Variants in MT1B observed in about 807,000 individuals in gnomAD.
The protein encoded by MT1B is metallothionein-1B.
MT1B carries 4 observed loss-of-function variants against 7.9 expected under a neutral mutation model. The observed-to-expected ratio is 0.51, with a 90% CI of 0.25 to 1.16. The LOEUF is 1.16. MT1B is among the 50% of genes most tolerant of loss of function. MT1B has a pLI of 0.15. For synonymous variants in MT1B, 22 were observed against 27.6 expected (o/e 0.80, Z 0.63); for missense variants, 76 against 75.2 (o/e 1.01, Z -0.04).
In MT1B at chr16:56,652,644, T is replaced by C. The variant is rs369880999; in HGVS notation, c.94+8T>C. On this transcript the variant is annotated splice_region_variant and intron_variant, in intron 2 of 2. Coordinates refer to ENST00000334346, the MANE Select transcript of MT1B (RefSeq NM_005947.3). ...GTACCTCCTGCAAGAAGTGTGAGTG[T>C]GGGATCATCTCCAGGAATCTGGGGC... The C allele has an allele frequency of 1.4e-5, 22 of 1,613,744 alleles. No individual in the cohort carries two copies. The highest frequency in any genetic ancestry group is 1.7e-6 in the Non-Finnish European group (2 of 1,179,862).
In MT1B at chr16:56,651,973, G is replaced by A. The variant is rs1415877536; in HGVS notation, c.20G>A (p.Cys7Tyr). ...CTCCAAATGGATCCCAACTGCTCCT[G>A]CACCACAGGTAAGGGACGCCTGGCT... MDPNCS[C>Y]TTGGSCACAG... The change falls in exon 1 of 3, where the codon TGC becomes TAC. Residue 7 changes from cysteine (C) to tyrosine (Y), a missense_variant. Physicochemically the swap from Cys to Tyr is radical, Grantham distance 194. Transcript: ENST00000334346. The A allele has an allele frequency of 6.8e-6, 11 of 1,614,210 alleles. No individual in the cohort carries two copies. Among genetic ancestry groups the A allele is most frequent in the Non-Finnish European group, 9.3e-6 (11 of 1,180,042 alleles).
At chr16:56,652,454 G>C in intron 1 of MT1B, 117 bp from the exon 2 acceptor site, 1 of 1,013,120 alleles carries the variant, frequency 9.9e-7, no homozygotes, top group East Asian at 2.4e-5. Context: ...CTCTGAGTGG[G>C]AAAGGAGCTC....
intron 2 of MT1B, 69 bp from the exon 3 acceptor site, chr16:56,652,905 C>T (rs960863223): frequency 2.6e-6 from 4 of 1,538,402 alleles, no homozygotes; most frequent in African/African-American, 2.7e-5. Context: ...TTCAGCCAGG[C>T]TTGCTGTTGG....
intron 1 of MT1B, 95 bp from the exon 2 acceptor site, chr16:56,652,476 C>G (rs1435079819): frequency 8.3e-7 from 1 of 1,202,560 alleles, no homozygotes. Flanking sequence ...GATGGCTGGC[C>G]CTGCACAGAG....
chr16:56,652,038 T>C (rs2144332413), intron 1 of MT1B, 57 bp downstream of exon 1: 1 of 1,603,372 alleles, frequency 6.2e-7, no homozygotes. Context: ...CTGTACACAG[T>C]GTCCCTGGGT....
In MT1B at chr16:56,652,630, A is replaced by G. The variant is rs562010604; in HGVS notation, c.88A>G (p.Lys30Glu). The change falls in exon 2 of 3, where the codon AAG becomes GAG. Residue 30 changes from lysine (K) to glutamate (E), a missense_variant. Coordinates refer to ENST00000334346, the MANE Select transcript of MT1B (RefSeq NM_005947.3). ...CAAAGAGTGCAAATGTACCTCCTGC[A>G]AGAAGTGTGAGTGTGGGATCATCTC... ...KCKECKCTSC[K>E]KCCCSCCPVG... 1 of 1,613,962 alleles carries G rather than the reference A, an allele frequency of 6.2e-7. No homozygotes were observed. The highest frequency in any genetic ancestry group is 2.2e-5 in the East Asian group (1 of 44,870).
At position 56,653,147 on chromosome 16, in the gene MT1B, T is replaced by G; in HGVS notation, c.*82T>G. ...TTTTTTTTTAACTACCCTGACCGGT[T>G]TGCTACATTCTTTTTTCTATTCAAT... On this transcript the variant is annotated 3_prime_UTR_variant, in exon 3 of 3. Coordinates refer to ENST00000334346, the MANE Select transcript of MT1B (RefSeq NM_005947.3). 3.8e-6 allele frequency: 5 copies of G among 1,304,094 alleles called. No individual in the cohort carries two copies. Among genetic ancestry groups the G allele is most frequent in the Non-Finnish European group, 4.4e-6 (4 of 917,472 alleles). 80.8% of individuals were successfully genotyped at this position (1,304,094 alleles called of 1,614,324 possible).
At chr16:56,652,788 A>G in intron 2 of MT1B, 152 bp downstream of exon 2, 1 of 1,202,122 alleles carries the variant, frequency 8.3e-7, no homozygotes, top group Non-Finnish European at 1.2e-6. Context: ...CTCTGAGCTC[A>G]GATGGGTCAG....
At chr16:56,652,939 C>T (rs762955556) in intron 2 of MT1B, 35 bp from the exon 3 acceptor site, 9 of 1,605,548 alleles carry the variant, frequency 5.6e-6, no homozygotes, top group East Asian at 2.2e-5. Flanking sequence ...CTGGTCAAGT[C>T]AGCTGTGACC....
chr16:56,652,599 C>T lies in MT1B; in HGVS notation c.57C>T (p.Cys19=). ...GCTCCTGTGCCTGCGCCGGCTCCTG[C>T]AAGTGCAAAGAGTGCAAATGTACCT... The part of the protein sequence containing the change: ...TGGSCACAGS[C]KCKECKCTSC... Residue 19 remains cysteine, a synonymous_variant, in exon 2 of 3, where the codon TGC becomes TGT. Coordinates refer to ENST00000334346, the MANE Select transcript of MT1B (RefSeq NM_005947.3). 2.5e-6 allele frequency: 4 copies of T among 1,614,034 alleles called. No individual in the cohort carries two copies. The African/African-American group carries it at 4.0e-5, about 16-fold the overall frequency.
chr16:56,652,215 CA>C (rs1960562745), intron 1 of MT1B, among the ~76,000 whole-genome samples: 1 of 152,240 alleles, frequency 6.6e-6, no homozygotes, highest in Admixed American at 6.5e-5. Flanking sequence ...CCCACCTAGT[CA>C]GGGGGCTGCT....
chr16:56,652,837 C>T (rs1960572221), intron 2 of MT1B, 137 bp from the exon 3 acceptor site: 6 of 1,180,136 alleles, frequency 5.1e-6, no homozygotes, highest in Non-Finnish European at 7.5e-6. Flanking sequence ...CTCAAATGTA[C>T]CATCAGAACA....
rs765463486 is a variant in MT1B at position 56,653,116 on chromosome 16, T to G, written c.*51T>G. The G allele has an allele frequency of 5.1e-6, 8 of 1,566,178 alleles. No individual in the cohort carries two copies. Among genetic ancestry groups the G allele is most frequent in the Non-Finnish European group, 5.2e-6 (6 of 1,153,448 alleles). On this transcript the variant is annotated 3_prime_UTR_variant, in exon 3 of 3. Transcript: ENST00000334346. Reference sequence around the variant, plus strand: ...ATAAATAGAGCAACCAGTACTAACCTGGATTTTTTTTTTTAACTACCCTGA... The same window carrying G: ...ATAAATAGAGCAACCAGTACTAACCGGGATTTTTTTTTTTAACTACCCTGA...
intron 2 of MT1B, 150 bp downstream of exon 2, chr16:56,652,786 T>C (rs1960571386): frequency 8.3e-7 from 1 of 1,200,972 alleles, no homozygotes; most frequent in Admixed American, 1.8e-5. Flanking sequence ...TGCTCTGAGC[T>C]CAGATGGGTC....
chr16:56,653,104 C>T lies in MT1B; in HGVS notation c.*39C>T. The T allele has an allele frequency of 6.3e-7, 1 of 1,594,594 alleles. No homozygotes were observed. Among genetic ancestry groups the T allele is most frequent in the Non-Finnish European group, 8.6e-7 (1 of 1,169,414 alleles). On this transcript the variant is annotated 3_prime_UTR_variant, in exon 3 of 3. Transcript: ENST00000334346. ...CTGCTCCCAGACATAAATAGAGCAA[C>T]CAGTACTAACCTGGATTTTTTTTTT...
At position 56,653,023 on chromosome 16, in the gene MT1B, T is replaced by C. The variant is rs1205087175; in HGVS notation, c.144T>C (p.Cys48=). ...PVGCAKCAQG[C]VCKGSSEKCR... The stretch of plus-strand genomic sequence containing the variant: ...GCTGTGCCAAGTGTGCCCAGGGCTG[T>C]GTCTGCAAAGGCTCATCAGAGAAGT... The change falls in exon 3 of 3, where the codon TGT becomes TGC. Residue 48 remains cysteine (C), a synonymous_variant. Coordinates refer to ENST00000334346, the MANE Select transcript of MT1B (RefSeq NM_005947.3). The C allele has an allele frequency of 1.1e-5, 18 of 1,613,716 alleles. No individual in the cohort carries two copies. Among genetic ancestry groups the C allele is most frequent in the Middle Eastern group, 1.7e-4 (1 of 5,832 alleles).
At chr16:56,652,953 C>A in intron 2 of MT1B, 21 bp from the exon 3 acceptor site, 1 of 1,611,864 alleles carries the variant, frequency 6.2e-7, no homozygotes, top group Non-Finnish European at 8.5e-7. Flanking sequence ...TGTGACCTCT[C>A]ACTCTCCCCT....
rs759634849 is a variant in MT1B at position 56,653,111 on chromosome 16, T to A, written c.*46T>A. On this transcript the variant is annotated 3_prime_UTR_variant, in exon 3 of 3. Transcript: ENST00000334346. ...CAGACATAAATAGAGCAACCAGTAC[T>A]AACCTGGATTTTTTTTTTTAACTAC... The A allele has an allele frequency of 1.9e-6, 3 of 1,580,912 alleles. No homozygotes were observed. In the South Asian group the frequency reaches 3.4e-5, roughly 18 times the overall value.
rs150778656 is a variant in MT1B at position 56,652,588 on chromosome 16, G to A, written c.46G>A (p.Ala16Thr). ...CCTTGCAGGTGGCTCCTGTGCCTGCGCCGGCTCCTGCAAGTGCAAAGAGTG... is the reference window on the plus strand; with the variant it reads ...CCTTGCAGGTGGCTCCTGTGCCTGCACCGGCTCCTGCAAGTGCAAAGAGTG... ...SCTTGGSCAC[A>T]GSCKCKECKC... The change falls in exon 2 of 3, where the codon GCC becomes ACC. Residue 16 changes from alanine to threonine, a missense_variant. Coordinates refer to ENST00000334346, the MANE Select transcript of MT1B (RefSeq NM_005947.3). 7.6e-3 allele frequency: 12,254 copies of A among 1,613,796 alleles called. 84 individuals are homozygous for A. The highest frequency in any genetic ancestry group is 7.6e-3 in the Non-Finnish European group (8,935 of 1,179,786).
Sources: gnomAD v4.1 joint callset for allele counts (sites outside exome capture counted in the v4.1 genomes callset) on GRCh38, gnomAD v4.1.1 for gene constraint, MANE v1.5 for transcripts, NCBI Gene and HGNC (gene_info 2026-07-23, HGNC 2026-07-21) for gene names.